Variants in RUNX1 observed in about 807,000 individuals in gnomAD.
RUNX1 encodes the protein RUNX family transcription factor 1, also known as runt-related transcription factor 1.
In RUNX1, 19 loss-of-function variants were observed where a neutral mutation model predicts 42.8. The observed-to-expected ratio is 0.44, with a 90% confidence interval of 0.31 to 0.65. RUNX1 has a LOEUF of 0.65. Among genes scored for constraint, RUNX1 ranks in the 30% least tolerant of loss-of-function variants. The probability of loss-of-function intolerance (pLI) is 0.07; values close to 1 mark genes in which losing one functional copy is unlikely to be tolerated. For synonymous variants in RUNX1, 271 were observed against 289.4 expected, an observed-to-expected ratio of 0.94 and a Z score of 0.64; for missense variants, 528 against 672.0, an observed-to-expected ratio of 0.79 and a Z score of 2.37.
chr21:34,962,193 G>A lies in RUNX1; in HGVS notation c.59-69230C>T, dbSNP rs766053898. On this transcript the variant is annotated intron_variant, in intron 2 of 8. Coordinates refer to ENST00000675419, the MANE Select transcript of RUNX1 (RefSeq NM_001754.5). ...TAAGCATGTGCCACTGTGCCCAGCT[G>A]TAAGTTGTATTTAAATTCTTTTTTT... 1.3e-5 allele frequency among the ~76,000 whole-genome samples: 2 copies of A among 152,182 alleles called. 1 individual carries two copies. Among genetic ancestry groups the A allele is most frequent in the East Asian group, 3.9e-4 (2 of 5,192 alleles).
In RUNX1 at chr21:34,909,647, G is replaced by A. The variant is rs149449665; in HGVS notation, c.59-16684C>T. Among the ~76,000 whole-genome samples, 196 of 86,622 alleles carry A rather than the reference G, an allele frequency of 2.3e-3. 2 individuals carry two copies. Among genetic ancestry groups the A allele is most frequent in the East Asian group, 0.02 (63 of 3,228 alleles). The allele number at this position is 86,622 out of a possible 152,430, so 56.8% of individuals were successfully genotyped here. A position where few individuals can be genotyped will look rare whatever the true frequency, so the allele number is the denominator to read the frequency against. ...TTGATAACCTGCACTTCTCCAGAGT[G>A]ACCTCTTCAGCTGAGTCTGGAAGAC... On this transcript the variant is annotated intron_variant, in intron 2 of 8. Coordinates refer to ENST00000675419, the MANE Select transcript of RUNX1 (RefSeq NM_001754.5).
At chr21:35,041,961 G>T (rs895741231) in intron 2 of RUNX1, among the ~76,000 whole-genome samples, 2 of 152,106 alleles carry the variant, frequency 1.3e-5, no homozygotes, top group African/African-American at 4.8e-5. Flanking sequence ...TTGGGAGGCT[G>T]GGGGATTTTT....
intron 2 of RUNX1, among the ~76,000 whole-genome samples, chr21:35,000,246 T>C (rs1055715022): frequency 2.8e-5 from 4 of 144,978 alleles, no homozygotes; most frequent in Non-Finnish European, 6.1e-5. Flanking sequence ...CTTTTTTTTT[T>C]TTTTTTTTTT....
Position 34,904,804 on chromosome 21 carries a change from TC to T in RUNX1, c.59-11842del. 1.3e-5 allele frequency among the ~76,000 whole-genome samples: 2 copies of T among 152,336 alleles called. 1 individual carries two copies. The highest frequency in any genetic ancestry group is 2.9e-5 in the Non-Finnish European group (2 of 68,018). On this transcript the variant is annotated intron_variant, in intron 2 of 8. Coordinates refer to ENST00000675419, the MANE Select transcript of RUNX1 (RefSeq NM_001754.5). ...TCAGAAGTATTCTGTTTTAGGAGGT[TC>T]TGTAATTGTCAACTTCTCGGTTTAG...
chr21:34,834,645 G>A, intron 6 of RUNX1, 44 bp from the exon 7 acceptor site: 1 of 1,436,646 alleles, frequency 7.0e-7, no homozygotes. Context: ...GGGAGGGAAG[G>A]AGGGAGGGAA....
intron 7 of RUNX1, 57 bp from the exon 8 acceptor site, chr21:34,799,519 T>C: frequency 1.3e-6 from 2 of 1,514,094 alleles, no homozygotes; most frequent in Non-Finnish European, 1.8e-6. Context: ...TTAAAAAATG[T>C]CTTTTAATAA....
chr21:34,833,989 T>C, intron 7 of RUNX1: 1 of 349,226 alleles, frequency 2.9e-6, no homozygotes, highest in South Asian at 2.5e-5. Flanking sequence ...TAGCGAGAAC[T>C]TGAAACATCC....
At chr21:34,812,292 A>G (rs563485310) in intron 7 of RUNX1, among the ~76,000 whole-genome samples, 1 of 152,292 alleles carries the variant, frequency 6.6e-6, no homozygotes, top group African/African-American at 2.4e-5. Flanking sequence ...TGTTCACTTA[A>G]GTTTGCAGCC....
At chr21:34,941,788 G>A (rs915908330) in intron 2 of RUNX1, among the ~76,000 whole-genome samples, 3 of 150,890 alleles carry the variant, frequency 2.0e-5, no homozygotes, top group African/African-American at 4.9e-5. Flanking sequence ...ATTGTTTGAT[G>A]TTGAGCTATA....
At chr21:34,819,093 C>G (rs1299914971) in intron 7 of RUNX1, among the ~76,000 whole-genome samples, 1 of 152,216 alleles carries the variant, frequency 6.6e-6, no homozygotes, top group Non-Finnish European at 1.5e-5. Flanking sequence ...CTGCGATTCA[C>G]TCATCTCTAA....
chr21:34,788,384 CT>C lies in RUNX1; in HGVS notation c.*3750del, dbSNP rs1456551851. 2 of 232,858 alleles carry C rather than the reference CT, an allele frequency of 8.6e-6. No individual in the cohort carries two copies. The highest frequency in any genetic ancestry group is 6.1e-5 in the East Asian group (1 of 16,474). 14.4% of individuals were successfully genotyped at this position (232,858 alleles called of 1,614,324 possible). On this transcript the variant is annotated 3_prime_UTR_variant, in exon 9 of 9. Transcript: ENST00000675419. ...TTCTTTTTTTGCACATTCATTTCCC[CT>C]AGAACAAAAAAAGTGAACTTAAAAA... is the stretch of plus-strand genomic sequence containing the variant.
intron 5 of RUNX1, among the ~76,000 whole-genome samples, chr21:34,874,036 T>C (rs1432392098): frequency 6.6e-6 from 1 of 152,180 alleles, no homozygotes; most frequent in Non-Finnish European, 1.5e-5. Flanking sequence ...ATTTGGGCTT[T>C]AGATGAGAAG....
intron 2 of RUNX1, among the ~76,000 whole-genome samples, chr21:34,986,220 C>T (rs1158846767): frequency 1.3e-5 from 2 of 152,070 alleles, no homozygotes; most frequent in African/African-American, 2.4e-5. Flanking sequence ...CACTGTTTCA[C>T]CTTCCAGTCT....
intron 2 of RUNX1, among the ~76,000 whole-genome samples, chr21:34,960,501 A>G (rs187736579): frequency 6.6e-6 from 1 of 152,216 alleles, no homozygotes; most frequent in African/African-American, 2.4e-5. Flanking sequence ...TACTGCAATA[A>G]CTACTTAGAT....
At chr21:34,803,045 A>T (rs1397294938) in intron 7 of RUNX1, among the ~76,000 whole-genome samples, 1 of 152,220 alleles carries the variant, frequency 6.6e-6, no homozygotes, top group East Asian at 1.9e-4. Flanking sequence ...CATTGGTGAG[A>T]CCACACACAT....
rs144119573 is a variant in RUNX1 at position 34,824,759 on chromosome 21, C to T, written c.805+9651G>A. Reference sequence around the variant, plus strand: ...AAGACACAGGTAATGAAAGTCCCTCCGCATCATTTAAATCACAAATACTGG... The same window carrying T: ...AAGACACAGGTAATGAAAGTCCCTCTGCATCATTTAAATCACAAATACTGG... On this transcript the variant is annotated intron_variant, in intron 7 of 8. Transcript: ENST00000675419. 5.1e-4 allele frequency among the ~76,000 whole-genome samples: 77 copies of T among 152,242 alleles called. 1 individual carries two copies. The East Asian group carries it at 9.9e-3, about 19-fold the overall frequency.
intron 7 of RUNX1, among the ~76,000 whole-genome samples, chr21:34,815,541 G>A (rs2056813916): frequency 6.6e-6 from 1 of 152,146 alleles, no homozygotes; most frequent in East Asian, 1.9e-4. Flanking sequence ...AAATACGAGG[G>A]ATAGCAAGAA....
At chr21:34,904,229 AT>A (rs1461580114) in intron 2 of RUNX1, among the ~76,000 whole-genome samples, 2 of 152,134 alleles carry the variant, frequency 1.3e-5, no homozygotes, top group Admixed American at 6.5e-5. Context: ...TTTTGCTAGA[AT>A]TTTTGAATTA....
intron 2 of RUNX1, among the ~76,000 whole-genome samples, chr21:35,024,003 T>C (rs1408088624): frequency 6.6e-6 from 1 of 151,038 alleles, no homozygotes; most frequent in Non-Finnish European, 1.5e-5. Context: ...TATATCAACA[T>C]ATTAAATAAA....
Sources: gnomAD v4.1 joint callset for allele counts (sites outside exome capture counted in the v4.1 genomes callset) on GRCh38, gnomAD v4.1.1 for gene constraint, MANE v1.5 for transcripts, NCBI Gene and HGNC (gene_info 2026-07-23, HGNC 2026-07-21) for gene names.